Variants in RFPL2 observed in about 807,000 individuals in gnomAD.
The protein encoded by RFPL2 is ret finger protein like 2.
In RFPL2, 13 loss-of-function variants were observed where a neutral mutation model predicts 17.8. The observed-to-expected ratio is 0.73, with a 90% CI of 0.47 to 1.16. The LOEUF is 1.16. RFPL2 is among the 50% of genes most tolerant of loss of function. The probability of loss-of-function intolerance (pLI) is 0.00; values close to 1 mark genes in which losing one functional copy is unlikely to be tolerated. For missense variants in RFPL2, 431 were observed against 479.3 expected (o/e 0.90, Z 0.94); for synonymous variants, 189 against 180.9 (o/e 1.04, Z -0.36).
At chr22:32,204,045 T>A (rs1924268289) in intron 1 of RFPL2, among the ~76,000 whole-genome samples, 1 of 137,696 alleles carries the variant, frequency 7.3e-6, no homozygotes, top group Admixed American at 7.2e-5. Context: ...CCGCCGGCAG[T>A]CCAACCCCAA....
intron 1 of RFPL2, among the ~76,000 whole-genome samples, chr22:32,203,653 A>G (rs1481562349): frequency 2.0e-5 from 3 of 147,034 alleles, no homozygotes; most frequent in Admixed American, 6.7e-5. Context: ...AGTGCAGCCC[A>G]TGGGTAGCGC....
At chr22:32,197,657 G>C (rs1472864786) in intron 2 of RFPL2, among the ~76,000 whole-genome samples, 2 of 152,174 alleles carry the variant, frequency 1.3e-5, no homozygotes, top group African/African-American at 4.8e-5. Context: ...AACATGCAGT[G>C]TTTGGTTTTC....
chr22:32,203,127 C>G, intron 1 of RFPL2: 1 of 976,536 alleles, frequency 1.0e-6, no homozygotes, highest in Non-Finnish European at 1.2e-6. Context: ...TCCCAGATGG[C>G]GCCCCTAACT....
chr22:32,203,827 C>T lies in RFPL2; in HGVS notation c.-100+880G>A, dbSNP rs1924237397. On this transcript the variant is annotated intron_variant, in intron 1 of 4. Transcript: ENST00000652607. ...AACAAGCCCCTCCACTGACCCCCGCCGCTGTGGGAAATGACGCCCGGGATA... is the reference window on the plus strand; with the variant it reads ...AACAAGCCCCTCCACTGACCCCCGCTGCTGTGGGAAATGACGCCCGGGATA... Among the ~76,000 whole-genome samples, 3 of 151,630 alleles carry T rather than the reference C, an allele frequency of 2.0e-5. No homozygotes were observed. The South Asian group carries it at 6.3e-4, about 32-fold the overall frequency.
At position 32,194,419 on chromosome 22, in the gene RFPL2, G is replaced by A. The variant is rs1386388116; in HGVS notation, c.191C>T (p.Ser64Leu). The A allele has an allele frequency of 1.2e-6, 2 of 1,611,326 alleles. No homozygotes were observed. The highest frequency in any genetic ancestry group is 2.2e-5 in the East Asian group (1 of 44,842). Reference sequence around the variant, plus strand: ...CAGGTCTTGTGGGGAAGGGGCACACGAGGGCCTTTTATTGGTGAGATTCCC... The same window carrying A: ...CAGGTCTTGTGGGGAAGGGGCACACAAGGGCCTTTTATTGGTGAGATTCCC... ...GGGNLTNKRP[S>L]CAPSPQDLSA... Residue 64 changes from serine to leucine, a missense_variant, in exon 3 of 5, where the codon TCG (serine) becomes TTG (leucine). Ser to Leu is a moderately radical substitution (Grantham distance 145). Coordinates refer to ENST00000652607, the MANE Select transcript of RFPL2 (RefSeq NM_001394555.1).
In RFPL2 at chr22:32,191,123, A is replaced by C. The variant is rs567889999; in HGVS notation, c.786T>G (p.Val262=). The C allele has an allele frequency of 6.2e-7, 1 of 1,613,962 alleles. No homozygotes were observed. The highest frequency in any genetic ancestry group is 1.3e-5 in the African/African-American group (1 of 75,044). The change falls in exon 5 of 5, where the codon GTT becomes GTG. Residue 262 remains valine (V), a synonymous_variant. Transcript: ENST00000652607. The part of the protein sequence containing the change: ...EWDLGVCRES[V]HRKGRIQLTT... ...TCAGCTGGATCCTCCCTTTGCGGTGAACAGATTCTCTGCAGACTCCCAGGT... is the reference window on the plus strand; with the variant it reads ...TCAGCTGGATCCTCCCTTTGCGGTGCACAGATTCTCTGCAGACTCCCAGGT...
At chr22:32,196,252 A>C (rs1231249170) in intron 2 of RFPL2, among the ~76,000 whole-genome samples, 2 of 152,266 alleles carry the variant, frequency 1.3e-5, no homozygotes, top group Non-Finnish European at 2.9e-5. Context: ...TTTGTACTTA[A>C]TTCATAAAAT....
At chr22:32,202,290 C>T in intron 2 of RFPL2, 43 bp downstream of exon 2, 26 of 1,555,872 alleles carry the variant, frequency 1.7e-5, no homozygotes, top group Non-Finnish European at 2.2e-5. Flanking sequence ...CTTATAAAGA[C>T]TCCACCCTGG....
intron 2 of RFPL2, among the ~76,000 whole-genome samples, chr22:32,195,657 C>T (rs1366143073): frequency 1.3e-5 from 2 of 151,732 alleles, no homozygotes; most frequent in Admixed American, 1.3e-4. Flanking sequence ...GGGGTTTCAC[C>T]ATTTTGTCCA....
At position 32,190,746 on chromosome 22, in the gene RFPL2, G is replaced by T; in HGVS notation, c.*26C>A. On this transcript the variant is annotated 3_prime_UTR_variant, in exon 5 of 5. Transcript: ENST00000652607. ...CCCACCCAAGTAATTTTCTTACCCT[G>T]TTTTTTGTTTTTTTGGAGTGAGGGC... The T allele has an allele frequency of 6.7e-7, 1 of 1,502,104 alleles. No individual in the cohort carries two copies. Among genetic ancestry groups the T allele is most frequent in the African/African-American group, 1.4e-5 (1 of 71,474 alleles). The allele number at this position is 1,502,104 out of a possible 1,614,324, so 93.0% of individuals were successfully genotyped here.
chr22:32,194,444 C>T lies in RFPL2; in HGVS notation c.166G>A (p.Gly56Arg), dbSNP rs377501702. ...GAGGGCCTTTTATTGGTGAGATTCCCACCTCCCACTGGGTCACGCCCTTCC... is the reference window on the plus strand; with the variant it reads ...GAGGGCCTTTTATTGGTGAGATTCCTACCTCCCACTGGGTCACGCCCTTCC... ...GVEGRDPVGG[G>R]NLTNKRPSCA... Residue 56 changes from glycine (G) to arginine (R), a missense_variant, in exon 3 of 5, where the codon GGG becomes AGG. Coordinates refer to ENST00000652607, the MANE Select transcript of RFPL2 (RefSeq NM_001394555.1). 131 of 1,611,342 alleles carry T rather than the reference C, an allele frequency of 8.1e-5. No homozygotes were observed. The highest frequency in any genetic ancestry group is 1.0e-4 in the Non-Finnish European group (123 of 1,179,252).
chr22:32,190,725 C>G lies in RFPL2; in HGVS notation c.*47G>C, dbSNP rs751285689. 1 of 1,495,486 alleles carries G rather than the reference C, an allele frequency of 6.7e-7. No individual in the cohort carries two copies. The highest frequency in any genetic ancestry group is 2.4e-5 in the Admixed American group (1 of 42,198). 92.6% of individuals were successfully genotyped at this position (1,495,486 alleles called of 1,614,324 possible). ...AGTAGAGCGTTCCTAAGTCTACCCA[C>G]CCAAGTAATTTTCTTACCCTGTTTT... is the stretch of plus-strand genomic sequence containing the variant. On this transcript the variant is annotated 3_prime_UTR_variant, in exon 5 of 5. Coordinates refer to ENST00000652607, the MANE Select transcript of RFPL2 (RefSeq NM_001394555.1).
At chr22:32,200,256 C>G in intron 2 of RFPL2, 1 of 265,410 alleles carries the variant, frequency 3.8e-6, no homozygotes, top group Non-Finnish European at 7.7e-6. Flanking sequence ...TCGCCCCACC[C>G]ATGGGGGCCT....
chr22:32,194,741 A>C (rs543545446), intron 2 of RFPL2, among the ~76,000 whole-genome samples: 5 of 152,344 alleles, frequency 3.3e-5, no homozygotes, highest in Middle Eastern at 3.4e-3. Flanking sequence ...TGGAATCCTA[A>C]AGTATTAAGT....
At chr22:32,194,309 C>T in intron 3 of RFPL2, 36 bp downstream of exon 3, 1 of 1,590,532 alleles carries the variant, frequency 6.3e-7, no homozygotes, top group Non-Finnish European at 8.5e-7. Context: ...TTCTAGGCAT[C>T]TAAGAGGAAA....
Position 32,199,640 on chromosome 22 carries a change from G to A in RFPL2, c.119+2693C>T, listed in dbSNP as rs185782073. Among the ~76,000 whole-genome samples the A allele has an allele frequency of 1.8e-4, 28 of 152,338 alleles. No homozygotes were observed. In the East Asian group the frequency reaches 5.0e-3, roughly 27 times the overall value. On this transcript the variant is annotated intron_variant, in intron 2 of 4. Coordinates refer to ENST00000652607, the MANE Select transcript of RFPL2 (RefSeq NM_001394555.1). ...ACTGCGTCAGGATGATGCGTGGCAGGCAGCGGCAGGCGGTTGAGGGTCTGT... is the reference window on the plus strand; with the variant it reads ...ACTGCGTCAGGATGATGCGTGGCAGACAGCGGCAGGCGGTTGAGGGTCTGT...
In RFPL2 at chr22:32,198,289, C is replaced by T. The variant is rs148579582; in HGVS notation, c.120-3799G>A. Among the ~76,000 whole-genome samples, 1,458 of 152,198 alleles carry T rather than the reference C, an allele frequency of 9.6e-3. 20 individuals are homozygous for T. Among genetic ancestry groups the T allele is most frequent in the African/African-American group, 0.034 (1,407 of 41,502 alleles). ...CTTCCCCCTATTCCTGGGCCACAGT[C>T]AAAGGGAAAACCTGATCCAGACACA... On this transcript the variant is annotated intron_variant, in intron 2 of 4. Transcript: ENST00000652607.
intron 3 of RFPL2, chr22:32,193,590 G>C (rs755898598): frequency 2.1e-6 from 2 of 956,168 alleles, no homozygotes; most frequent in African/African-American, 3.4e-5. Context: ...GGCCGGGCAC[G>C]ATGGCTCATG....
chr22:32,195,658 A>G (rs187904665), intron 2 of RFPL2, among the ~76,000 whole-genome samples: 2 of 150,298 alleles, frequency 1.3e-5, no homozygotes, highest in Non-Finnish European at 3.0e-5. Flanking sequence ...GGGTTTCACC[A>G]TTTTGTCCAG....
Sources: gnomAD v4.1 joint callset for allele counts (sites outside exome capture counted in the v4.1 genomes callset) on GRCh38, gnomAD v4.1.1 for gene constraint, MANE v1.5 for transcripts, NCBI Gene and HGNC (gene_info 2026-07-23, HGNC 2026-07-21) for gene names.